Variants in PLCL1 observed in about 807,000 individuals in gnomAD.
PLCL1 encodes phospholipase C like 1 (inactive).
Under a neutral mutation model 84.4 loss-of-function variants are expected in PLCL1, and 41 were observed. That is an observed-to-expected ratio of 0.49 (90% CI 0.38 to 0.63). PLCL1 has a LOEUF of 0.63. Among genes scored for constraint, PLCL1 ranks in the 30% least tolerant of loss-of-function variants. The pLI, the probability that PLCL1 is intolerant of heterozygous loss-of-function variation, is 0.00. For missense variants in PLCL1, 1,206 were observed against 1,367.8 expected (o/e 0.88, Z 1.87); for synonymous variants, 490 against 488.3 (o/e 1.00, Z -0.05).
intron 5 of PLCL1, among the ~76,000 whole-genome samples, chr2:198,128,113 T>G (rs1157624187): frequency 1.3e-5 from 2 of 152,168 alleles, no homozygotes; most frequent in African/African-American, 4.8e-5. Flanking sequence ...TCATTCGTAG[T>G]TCAGCCTAAC....
At chr2:198,107,963 C>T (rs1693529727) in intron 5 of PLCL1, among the ~76,000 whole-genome samples, 1 of 151,762 alleles carries the variant, frequency 6.6e-6, no homozygotes, top group Non-Finnish European at 1.5e-5. Flanking sequence ...AAATGACCTC[C>T]TTTGAATTTG....
intron 1 of PLCL1, among the ~76,000 whole-genome samples, chr2:197,946,042 G>A (rs535947904): frequency 1.1e-4 from 16 of 152,196 alleles, no homozygotes; most frequent in African/African-American, 2.9e-4. Flanking sequence ...TATGCTAAAT[G>A]CTGAGGTTAC....
chr2:197,889,277 G>A (rs747424126), intron 1 of PLCL1, among the ~76,000 whole-genome samples: 3 of 152,050 alleles, frequency 2.0e-5, no homozygotes, highest in Non-Finnish European at 4.4e-5. Flanking sequence ...ATGTCATTTG[G>A]ATGCATAGGT....
chr2:197,969,326 G>A (rs1188618158), intron 1 of PLCL1, among the ~76,000 whole-genome samples: 1 of 152,176 alleles, frequency 6.6e-6, no homozygotes, highest in Non-Finnish European at 1.5e-5. Context: ...GGTGTGCATA[G>A]TGGCAATATG....
chr2:197,871,623 G>A (rs911824383), intron 1 of PLCL1, among the ~76,000 whole-genome samples: 5 of 152,096 alleles, frequency 3.3e-5, no homozygotes, highest in African/African-American at 9.7e-5. Flanking sequence ...GGGAGAATTC[G>A]TTCTATGCCT....
At chr2:197,865,001 C>G (rs1367698299) in intron 1 of PLCL1, among the ~76,000 whole-genome samples, 1 of 152,058 alleles carries the variant, frequency 6.6e-6, no homozygotes, top group Admixed American at 6.6e-5. Context: ...CTTTTGAGCC[C>G]ACTGCATAGA....
At position 197,981,119 on chromosome 2, in the gene PLCL1, T is replaced by C. The variant is rs868344820; in HGVS notation, c.241-102639T>C. Among the ~76,000 whole-genome samples, 7 of 152,354 alleles carry C rather than the reference T, an allele frequency of 4.6e-5. No homozygotes were observed. In the Middle Eastern group the frequency reaches 0.017, roughly 370 times the overall value. On this transcript the variant is annotated intron_variant, in intron 1 of 5. Coordinates refer to ENST00000428675, the MANE Select transcript of PLCL1 (RefSeq NM_006226.4). ...TCACTGCAAGTTGCATTCACTAGCC[T>C]TCAAATACTCTACACCTTAGTTCAC...
intron 1 of PLCL1, among the ~76,000 whole-genome samples, chr2:197,928,521 T>C (rs918299641): frequency 2.0e-5 from 3 of 152,204 alleles, no homozygotes; most frequent in African/African-American, 4.8e-5. Flanking sequence ...ACCACTGGTA[T>C]AGTTTTTGCT....
At chr2:197,942,499 T>A (rs944287620) in intron 1 of PLCL1, among the ~76,000 whole-genome samples, 7 of 152,204 alleles carry the variant, frequency 4.6e-5, no homozygotes, top group Non-Finnish European at 7.3e-5. Flanking sequence ...AATTTCCCCC[T>A]GTAATTATGA....
At chr2:198,098,032 T>C (rs1376992277) in intron 3 of PLCL1, among the ~76,000 whole-genome samples, 1 of 152,206 alleles carries the variant, frequency 6.6e-6, no homozygotes, top group Non-Finnish European at 1.5e-5. Flanking sequence ...AAGAGCAATC[T>C]GATTTACAAA....
chr2:198,012,702 T>TA (rs1429917256), intron 1 of PLCL1, among the ~76,000 whole-genome samples: 3 of 151,130 alleles, frequency 2.0e-5, no homozygotes, highest in Non-Finnish European at 1.5e-5. Context: ...CATTTTCCTT[T>TA]GTGTGTAGCT....
chr2:197,956,709 T>G (rs1242134301), intron 1 of PLCL1, among the ~76,000 whole-genome samples: 4 of 152,180 alleles, frequency 2.6e-5, no homozygotes, highest in African/African-American at 9.6e-5. Flanking sequence ...GTTGGCCATA[T>G]AAATGTCTTC....
At chr2:197,928,416 A>G (rs566587638) in intron 1 of PLCL1, among the ~76,000 whole-genome samples, 51 of 152,272 alleles carry the variant, frequency 3.3e-4, no homozygotes, top group Non-Finnish European at 5.3e-4. Flanking sequence ...TGACCCCATT[A>G]TATTTTTAAA....
intron 1 of PLCL1, among the ~76,000 whole-genome samples, chr2:198,001,685 G>A (rs899552411): frequency 2.6e-5 from 4 of 151,986 alleles, no homozygotes; most frequent in African/African-American, 7.3e-5. Context: ...CCCAAACCCC[G>A]GTACGGTCTG....
rs182444346 is a variant in PLCL1 at position 198,061,820 on chromosome 2, C to T, written c.241-21938C>T. Among the ~76,000 whole-genome samples, 15 of 152,140 alleles carry T rather than the reference C, an allele frequency of 9.9e-5. No individual in the cohort carries two copies. The East Asian group carries it at 1.7e-3, about 18-fold the overall frequency. On this transcript the variant is annotated intron_variant, in intron 1 of 5. Transcript: ENST00000428675. ...TTCACCGTGTCAGCCAGGATGGTCT[C>T]GAACTCCTGACCTCATGATCTGCCT...
intron 1 of PLCL1, among the ~76,000 whole-genome samples, chr2:197,998,658 G>A (rs1439774774): frequency 6.6e-6 from 1 of 152,102 alleles, no homozygotes; most frequent in Non-Finnish European, 1.5e-5. Context: ...AGAGAAGTTG[G>A]CTACATAGAA....
At chr2:197,819,852 A>G (rs1267387034) in intron 1 of PLCL1, among the ~76,000 whole-genome samples, 2 of 151,400 alleles carry the variant, frequency 1.3e-5, no homozygotes, top group African/African-American at 4.9e-5. Context: ...CTTCCACCTT[A>G]GAGATGAGGA....
At chr2:198,124,299 GA>G (rs1340608044) in intron 5 of PLCL1, among the ~76,000 whole-genome samples, 1 of 152,024 alleles carries the variant, frequency 6.6e-6, no homozygotes, top group African/African-American at 2.4e-5. Flanking sequence ...GCCTTTCCCA[GA>G]TATACCTGTC....
chr2:197,869,794 T>A (rs898248291), intron 1 of PLCL1, among the ~76,000 whole-genome samples: 1 of 152,280 alleles, frequency 6.6e-6, no homozygotes, highest in African/African-American at 2.4e-5. Flanking sequence ...TTATCTGTCA[T>A]GTAAAAACAG....
Sources: allele counts gnomAD v4.1 joint callset (sites outside exome capture counted in the v4.1 genomes callset), GRCh38; gene constraint gnomAD v4.1.1; transcripts MANE v1.5; gene names NCBI Gene and HGNC (gene_info 2026-07-23, HGNC 2026-07-21).